COL9A1: variants seen among roughly 807,000 people sequenced by gnomAD.
COL9A1 encodes the protein collagen type IX alpha 1 chain.
A neutral mutation model predicts 142.6 loss-of-function variants in COL9A1; 104 were observed. The ratio of observed to expected loss-of-function variants is 0.73; its 90% CI spans 0.62 to 0.86. The LOEUF is 0.86. Ranked by LOEUF, COL9A1 falls within the 40% of genes least tolerant of loss-of-function variation. COL9A1 has a pLI of 0.00. For synonymous variants in COL9A1, 466 were observed against 396.0 expected (o/e 1.18, Z -2.10); for missense variants, 1,210 against 1,176.6 (o/e 1.03, Z -0.42).
chr6:70,240,026 T>C (rs1390821500), intron 32 of COL9A1, among the ~76,000 whole-genome samples: 14 of 152,204 alleles, frequency 9.2e-5, no homozygotes, highest in South Asian at 6.2e-4. Flanking sequence ...TCTCTAAAAC[T>C]GTTTTCTGAA....
In COL9A1 at chr6:70,302,088, A is replaced by G. The variant is rs769702116; in HGVS notation, c.15-14T>C. On this transcript the variant is annotated splice_polypyrimidine_tract_variant and intron_variant, in intron 1 of 37. Transcript: ENST00000357250. ...ACTGGAATTTTCCTGAAGAAGAGAG[A>G]AGAAAAATGACTGAAACAGGAGTCC... is the stretch of plus-strand genomic sequence containing the variant. 3 of 1,597,140 alleles carry G rather than the reference A, an allele frequency of 1.9e-6. No homozygotes were observed. In the South Asian group the frequency reaches 3.4e-5, roughly 18 times the overall value.
At chr6:70,279,030 G>A (rs984580808) in intron 10 of COL9A1, among the ~76,000 whole-genome samples, 7 of 152,036 alleles carry the variant, frequency 4.6e-5, no homozygotes, top group Non-Finnish European at 8.8e-5. Context: ...ACCCATTTAC[G>A]CTTCAAATAC....
At position 70,241,598 on chromosome 6, in the gene COL9A1, A is replaced by C; in HGVS notation, c.1999-144T>G. On this transcript the variant is annotated intron_variant, in intron 30 of 37. Coordinates refer to ENST00000357250, the MANE Select transcript of COL9A1 (RefSeq NM_001851.6). ...TCCCACTCCTCACCACCCAACAAGA[A>C]TCAGGACCAAAACATAAGTTTCCAC... 3 of 733,670 alleles carry C rather than the reference A, an allele frequency of 4.1e-6. No individual in the cohort carries two copies. The South Asian group carries it at 5.0e-5, about 12-fold the overall frequency. The allele number at this position is 733,670 out of a possible 1,614,324, so 45.4% of individuals were successfully genotyped here. A position where few individuals can be genotyped will look rare whatever the true frequency, so the allele number is the denominator to read the frequency against.
Position 70,294,150 on chromosome 6 carries a change from T to A in COL9A1, c.696+17A>T. On this transcript the variant is annotated intron_variant, in intron 5 of 37. Transcript: ENST00000357250. ...AGTTTTGCTTTAATCTGCCATAGTGTGTGGTTTTATACTTACTGGAACAGA... is the reference window on the plus strand; with the variant it reads ...AGTTTTGCTTTAATCTGCCATAGTGAGTGGTTTTATACTTACTGGAACAGA... 1 of 1,613,866 alleles carries A rather than the reference T, an allele frequency of 6.2e-7. No homozygotes were observed. Among genetic ancestry groups the A allele is most frequent in the East Asian group, 2.2e-5 (1 of 44,876 alleles).
At chr6:70,279,301 G>T (rs923139789) in intron 10 of COL9A1, among the ~76,000 whole-genome samples, 1 of 152,140 alleles carries the variant, frequency 6.6e-6, no homozygotes, top group African/African-American at 2.4e-5. Flanking sequence ...TATTATTTCA[G>T]TTCATATTAC....
At chr6:70,224,487 G>T (rs1367294059) in intron 37 of COL9A1, among the ~76,000 whole-genome samples, 3 of 152,190 alleles carry the variant, frequency 2.0e-5, no homozygotes, top group Non-Finnish European at 4.4e-5. Flanking sequence ...GGAAAATGTT[G>T]CCAATAGTGC....
intron 4 of COL9A1, among the ~76,000 whole-genome samples, chr6:70,295,496 C>T (rs191645496): frequency 5.3e-5 from 8 of 151,962 alleles, no homozygotes; most frequent in South Asian, 2.1e-4. Flanking sequence ...CCATGTCAGT[C>T]AGGCTGGTCT....
chr6:70,277,047 C>T (rs1169612413), intron 10 of COL9A1, among the ~76,000 whole-genome samples: 1 of 152,188 alleles, frequency 6.6e-6, no homozygotes. Flanking sequence ...AGTTATAAAG[C>T]ATCTGCCACA....
chr6:70,239,001 T>C (rs1235487629), intron 33 of COL9A1, among the ~76,000 whole-genome samples: 1 of 152,144 alleles, frequency 6.6e-6, no homozygotes, highest in Non-Finnish European at 1.5e-5. Flanking sequence ...TAGCCGGGCA[T>C]GGTGGTGCAT....
chr6:70,252,096 G>A, intron 28 of COL9A1, 24 bp downstream of exon 28: 1 of 1,612,638 alleles, frequency 6.2e-7, no homozygotes, highest in Non-Finnish European at 8.5e-7. Flanking sequence ...GGTGCTTTAG[G>A]AAAGAACAGC....
At chr6:70,241,219 T>C (rs1245305731) in intron 31 of COL9A1, among the ~76,000 whole-genome samples, 200 bp downstream of exon 31, 1 of 152,178 alleles carries the variant, frequency 6.6e-6, no homozygotes, top group Non-Finnish European at 1.5e-5. Context: ...AGCAGAGCCA[T>C]CTTTAGCTCC....
At chr6:70,282,843 C>T in intron 7 of COL9A1, 55 bp downstream of exon 7, 2 of 1,613,444 alleles carry the variant, frequency 1.2e-6, no homozygotes, top group East Asian at 2.2e-5. Flanking sequence ...CGCTGCGCCC[C>T]GACCTGTCCT....
At chr6:70,249,721 C>A (rs1468361403) in intron 28 of COL9A1, among the ~76,000 whole-genome samples, 1 of 152,058 alleles carries the variant, frequency 6.6e-6, no homozygotes, top group Non-Finnish European at 1.5e-5. Flanking sequence ...GATCCAAAAC[C>A]CTGCATCAGC....
intron 37 of COL9A1, among the ~76,000 whole-genome samples, chr6:70,220,680 T>G (rs1359989189): frequency 6.6e-6 from 1 of 152,162 alleles, no homozygotes; most frequent in Non-Finnish European, 1.5e-5. Context: ...GGTGACACTA[T>G]GTCCACAGTC....
chr6:70,278,470 G>A (rs185774697), intron 10 of COL9A1, among the ~76,000 whole-genome samples: 79 of 152,262 alleles, frequency 5.2e-4, no homozygotes, highest in Admixed American at 9.8e-4. Context: ...AATGTTTGTG[G>A]CAGTGCTTGA....
intron 28 of COL9A1, among the ~76,000 whole-genome samples, chr6:70,247,781 T>C (rs1421011536): frequency 2.0e-5 from 3 of 152,206 alleles, no homozygotes; most frequent in Non-Finnish European, 4.4e-5. Context: ...TGTTTACATA[T>C]GCCCTCATAC....
chr6:70,217,041 G>C lies in COL9A1; in HGVS notation c.2622C>G (p.Asp874Glu), dbSNP rs149139869. The change falls in exon 38 of 38, where the codon GAC becomes GAG. Residue 874 changes from aspartate to glutamate, a missense_variant. Coordinates refer to ENST00000357250, the MANE Select transcript of COL9A1 (RefSeq NM_001851.6). ...CCACCCCTGGGGGGCCTCGCTCACC[G>C]TCTCGGCCATTTCTGCCATAGCTGG... is the stretch of plus-strand genomic sequence containing the variant. ...GPASYGRNGR[D>E]GERGPPGVAG... is the part of the protein sequence containing the mutation. 5 of 1,614,024 alleles carry C rather than the reference G, an allele frequency of 3.1e-6. No homozygotes were observed. In the East Asian group the frequency reaches 1.1e-4, roughly 36 times the overall value.
intron 36 of COL9A1, among the ~76,000 whole-genome samples, chr6:70,230,335 A>G (rs982175908): frequency 2.0e-5 from 3 of 152,052 alleles, no homozygotes; most frequent in Non-Finnish European, 2.9e-5. Flanking sequence ...ACCGCTCCCT[A>G]CCTCCACCCC....
In COL9A1 at chr6:70,282,833, C is replaced by T. The variant is rs557997661; in HGVS notation, c.801+65G>A. Reference sequence around the variant, plus strand: ...GCGCCTTTCTCACAGCTCCCTCGACCGCTGCGCCCCGACCTGTCCTCGTGT... The same window carrying T: ...GCGCCTTTCTCACAGCTCCCTCGACTGCTGCGCCCCGACCTGTCCTCGTGT... On this transcript the variant is annotated intron_variant, in intron 7 of 37. Transcript: ENST00000357250. The T allele has an allele frequency of 1.4e-5, 22 of 1,612,462 alleles. 1 individual carries two copies. In the African/African-American group the frequency reaches 2.1e-4, roughly 16 times the overall value.
Sources: gnomAD v4.1 joint callset for allele counts (sites outside exome capture counted in the v4.1 genomes callset) on GRCh38, gnomAD v4.1.1 for gene constraint, MANE v1.5 for transcripts, NCBI Gene and HGNC (gene_info 2026-07-23, HGNC 2026-07-21) for gene names.